Variants in ANK2 observed in about 807,000 individuals in gnomAD.
ANK2 encodes ankyrin 2.
Under a neutral mutation model 360.5 loss-of-function variants are expected in ANK2, and 83 were observed. The ratio of observed to expected loss-of-function variants is 0.23; its 90% CI spans 0.19 to 0.28. The LOEUF is 0.28. Ranked by LOEUF, ANK2 falls within the 10% of genes least tolerant of loss-of-function variation. ANK2 has a pLI of 1.00. For missense variants in ANK2, 4,201 were observed against 4,795.7 expected, an observed-to-expected ratio of 0.88 and a Z score of 3.66; for synonymous variants, 1,740 against 1,759.5, an observed-to-expected ratio of 0.99 and a Z score of 0.28.
At chr4:113,190,736 C>G (rs1340370953) in intron 2 of ANK2, among the ~76,000 whole-genome samples, 1 of 152,092 alleles carries the variant, frequency 6.6e-6, no homozygotes, top group Non-Finnish European at 1.5e-5. Context: ...TCAGAATGTT[C>G]AGTTCAGGAT....
upstream of ANK2, among the ~76,000 whole-genome samples, chr4:113,047,109 T>C (rs377674073): frequency 1.6e-4 from 24 of 152,326 alleles, 1 homozygote; most frequent in South Asian, 4.8e-3. Context: ...GGTATAATAG[T>C]TTCCTCAACA....
chr4:112,810,705 C>T, the ANK2 span, among the ~76,000 whole-genome samples: 2 of 151,930 alleles, frequency 1.3e-5, no homozygotes, highest in Non-Finnish European at 2.9e-5. Flanking sequence ...GCACCCACCA[C>T]CTCGCTCGGC....
chr4:112,894,394 A>T (rs2081118526), intron 1 of ANK2, among the ~76,000 whole-genome samples: 1 of 152,216 alleles, frequency 6.6e-6, no homozygotes, highest in African/African-American at 2.4e-5. Flanking sequence ...ATTTGGTGTT[A>T]CATACGGATA....
At chr4:113,085,338 G>A (rs1264339983) in intron 1 of ANK2, among the ~76,000 whole-genome samples, 1 of 151,278 alleles carries the variant, frequency 6.6e-6, no homozygotes, top group Non-Finnish European at 1.5e-5. Flanking sequence ...TTTTGAGATG[G>A]AGTCTCACTC....
At chr4:112,780,674 G>A in the ANK2 span, among the ~76,000 whole-genome samples, 3 of 152,114 alleles carry the variant, frequency 2.0e-5, no homozygotes, top group Non-Finnish European at 4.4e-5. Flanking sequence ...AATGGCTGGG[G>A]AGGCATCAGG....
At chr4:112,834,850 T>G (rs1550953) in intron 1 of ANK2, among the ~76,000 whole-genome samples, 88,715 of 152,052 alleles carry the variant, frequency 0.58, 26,819 homozygotes, top group East Asian at 0.93. Context: ...AGACACTTGT[T>G]TCTTTGAGAA....
At chr4:112,880,347 T>C (rs2076365673) in intron 1 of ANK2, 1 of 152,228 alleles carries the variant, frequency 6.6e-6, no homozygotes, top group Non-Finnish European at 1.5e-5. Flanking sequence ...GCTTATGTAA[T>C]TCTTGTAAAG....
chr4:112,715,058 A>G, the ANK2 span, among the ~76,000 whole-genome samples: 2 of 152,214 alleles, frequency 1.3e-5, no homozygotes, highest in South Asian at 2.1e-4. Context: ...TGGGGTGACT[A>G]GAAGGCTGGA....
chr4:113,059,060 G>A (rs1337137240), intron 1 of ANK2, among the ~76,000 whole-genome samples: 1 of 152,084 alleles, frequency 6.6e-6, no homozygotes, highest in East Asian at 1.9e-4. Flanking sequence ...AGCCTTCTGG[G>A]GCGTCTTTTA....
chr4:113,120,832 C>T (rs2095306935), intron 1 of ANK2, among the ~76,000 whole-genome samples: 1 of 152,040 alleles, frequency 6.6e-6, no homozygotes, highest in Non-Finnish European at 1.5e-5. Flanking sequence ...TCATTTAGTT[C>T]ACACTTATAA....
At chr4:113,083,119 A>G in intron 1 of ANK2, among the ~76,000 whole-genome samples, 1 of 152,006 alleles carries the variant, frequency 6.6e-6, no homozygotes, top group African/African-American at 2.4e-5. Flanking sequence ...GTTTTAGGGT[A>G]TATGTGCACA....
At position 113,288,437 on chromosome 4, in the gene ANK2, T is replaced by C. The variant is rs147053743; in HGVS notation, c.2228T>C (p.Met743Thr). The change falls in exon 20 of 46, where the codon ATG becomes ACG. Residue 743 changes from methionine to threonine, a missense_variant. Met to Thr is a moderately conservative substitution (Grantham distance 81, BLOSUM62 -1). Transcript: ENST00000357077. ...GCCTGTCACTATGGAAATGTGAAAA[T>C]GGTCAACTTTCTTCTGAAGCAGGGA... ...IVACHYGNVK[M>T]VNFLLKQGAN... 4 of 1,613,896 alleles carry C rather than the reference T, an allele frequency of 2.5e-6. No homozygotes were observed. In the African/African-American group the frequency reaches 5.3e-5, roughly 22 times the overall value.
At chr4:113,270,735 G>T (rs1441224245) in intron 14 of ANK2, among the ~76,000 whole-genome samples, 1 of 152,170 alleles carries the variant, frequency 6.6e-6, no homozygotes, top group Non-Finnish European at 1.5e-5. Context: ...CACCCTGCTA[G>T]AATGCATATT....
chr4:113,150,943 A>T, intron 1 of ANK2: 1 of 629,364 alleles, frequency 1.6e-6, no homozygotes, highest in Non-Finnish European at 2.3e-6. Context: ...TAGTCTGCAT[A>T]TCATAAGCTC....
intron 1 of ANK2, among the ~76,000 whole-genome samples, chr4:113,136,788 A>T (rs2154381945): frequency 1.4e-5 from 2 of 143,484 alleles, no homozygotes; most frequent in African/African-American, 5.2e-5. Context: ...AGACAGTTTC[A>T]TTCTGTCACC....
At chr4:113,373,237 A>G (rs1438814341) in intron 44 of ANK2, 48 bp from the exon 45 acceptor site, 1 of 1,612,944 alleles carries the variant, frequency 6.2e-7, no homozygotes, top group East Asian at 2.2e-5. Context: ...TATCAATTCC[A>G]TGGTACTGTC....
At chr4:113,338,828 C>T (rs138596245) in intron 31 of ANK2, among the ~76,000 whole-genome samples, 1,661 of 152,196 alleles carry the variant, frequency 0.011, 11 homozygotes, top group Non-Finnish European at 0.015. Context: ...GGATTACAGG[C>T]ATGAGTCACC....
chr4:113,354,436 T>A lies in ANK2; in HGVS notation c.5818T>A (p.Ser1940Thr), dbSNP rs1352890626. The change falls in exon 38 of 46, where the codon TCA becomes ACA. Residue 1940 changes from serine to threonine, a missense_variant. Ser to Thr is a moderately conservative substitution (Grantham distance 58). Transcript: ENST00000357077. Reference protein sequence around the residue: ...PGRTEKRLPVSPSGRTDKHQP... With the variant: ...PGRTEKRLPVTPSGRTDKHQP... ...GAGAACAGAAAAACGCTTGCCTGTTTCACCCTCCGGAAGAACGGACAAGCA... is the reference window on the plus strand; with the variant it reads ...GAGAACAGAAAAACGCTTGCCTGTTACACCCTCCGGAAGAACGGACAAGCA... The A allele has an allele frequency of 1.2e-6, 2 of 1,614,048 alleles. No homozygotes were observed. Among genetic ancestry groups the A allele is most frequent in the Non-Finnish European group, 1.7e-6 (2 of 1,179,968 alleles).
In ANK2 at chr4:113,358,203, T is replaced by G; in HGVS notation, c.9585T>G (p.Ala3195=). The stretch of plus-strand genomic sequence containing the variant: ...GTGAGGAAGTAGAGGAAATACCTGC[T>G]TCGGATGCTCAACTTAACTCCCAAA... The part of the protein sequence containing the change: ...DVSEEVEEIP[A]SDAQLNSQMG... The change falls in exon 38 of 46, where the codon GCT becomes GCG. Residue 3195 remains alanine (A), a synonymous_variant. Transcript: ENST00000357077. The G allele has an allele frequency of 6.2e-7, 1 of 1,614,052 alleles. No homozygotes were observed. The highest frequency in any genetic ancestry group is 8.5e-7 in the Non-Finnish European group (1 of 1,179,962).
Sources: gnomAD v4.1 joint callset for allele counts (sites outside exome capture counted in the v4.1 genomes callset) on GRCh38, gnomAD v4.1.1 for gene constraint, MANE v1.5 for transcripts, NCBI Gene and HGNC (gene_info 2026-07-23, HGNC 2026-07-21) for gene names.